Variants in PLGRKT observed in about 807,000 individuals in gnomAD.
The protein encoded by PLGRKT is plasminogen receptor (KT).
PLGRKT carries 22 observed loss-of-function variants against 18.5 expected under a neutral mutation model. The observed-to-expected ratio is 1.19, with a 90% CI of 0.85 to 1.70. The LOEUF (loss-of-function observed/expected upper bound fraction) is 1.70. PLGRKT is among the 40% of genes most tolerant of loss of function. The pLI is 0.00. For missense variants in PLGRKT, 235 were observed against 174.4 expected (o/e 1.35, Z -1.96); for synonymous variants, 72 against 52.8 (o/e 1.36, Z -1.58).
At chr9:5,405,802 A>C (rs973636182) in intron 3 of PLGRKT, among the ~76,000 whole-genome samples, 2 of 152,234 alleles carry the variant, frequency 1.3e-5, no homozygotes, top group African/African-American at 4.8e-5. Context: ...AAATGAAACT[A>C]TCATCAGAGG....
At chr9:5,392,646 T>C (rs1268191772) in intron 3 of PLGRKT, 2 of 151,856 alleles carry the variant, frequency 1.3e-5, no homozygotes, top group Non-Finnish European at 2.9e-5. Context: ...TTCAGTTATC[T>C]CATCTATTAA....
chr9:5,384,620 G>C (rs952783298), intron 3 of PLGRKT, among the ~76,000 whole-genome samples: 2 of 152,100 alleles, frequency 1.3e-5, no homozygotes, highest in South Asian at 2.1e-4. Flanking sequence ...CTGTGGAAGA[G>C]AAGTCAAACT....
chr9:5,398,580 A>G (rs1321617058), intron 3 of PLGRKT, among the ~76,000 whole-genome samples: 1 of 151,786 alleles, frequency 6.6e-6, no homozygotes, highest in African/African-American at 2.4e-5. Context: ...CTAAGTTTTC[A>G]ATTTGATAAA....
At chr9:5,420,600 C>T (rs988462275) in intron 3 of PLGRKT, among the ~76,000 whole-genome samples, 2 of 152,090 alleles carry the variant, frequency 1.3e-5, no homozygotes, top group Non-Finnish European at 2.9e-5. Flanking sequence ...TTGTGTTGGC[C>T]ATGCTGCCCC....
At chr9:5,433,797 T>C (rs1235867199) in intron 2 of PLGRKT, among the ~76,000 whole-genome samples, 39 of 101,756 alleles carry the variant, frequency 3.8e-4, no homozygotes, top group East Asian at 7.0e-4. Flanking sequence ...TCTGCCTGGC[T>C]GCCCCGTCTG....
rs569652307 is a variant in PLGRKT, at chr9:5,390,036, C to A, written c.82-28148G>T. ...CCAGGAAGGTGCCACTGGGGTCAGA[C>A]AGTCATTGAGGAAATCTAGTGGAGT... On this transcript the variant is annotated intron_variant, in intron 3 of 5. Coordinates refer to ENST00000223864, the MANE Select transcript of PLGRKT (RefSeq NM_018465.4). 1.1e-4 allele frequency among the ~76,000 whole-genome samples: 17 copies of A among 151,830 alleles called. 1 individual carries two copies. The highest frequency in any genetic ancestry group is 4.2e-4 in the South Asian group (2 of 4,816).
rs75392187 is a variant in PLGRKT at position 5,429,471 on chromosome 9, C to G, written c.81+2426G>C. On this transcript the variant is annotated intron_variant, in intron 3 of 5. Transcript: ENST00000223864. ...GTTCTGAAGGGGAGAAATCTAAAATCAAGGTGTCTGCAAGGTTTGTTCCTT... is the reference window on the plus strand; with the variant it reads ...GTTCTGAAGGGGAGAAATCTAAAATGAAGGTGTCTGCAAGGTTTGTTCCTT... 8.0e-3 allele frequency among the ~76,000 whole-genome samples: 1,215 copies of G among 152,324 alleles called. 19 individuals carry two copies. The highest frequency in any genetic ancestry group is 0.028 in the African/African-American group (1,182 of 41,558).
intron 3 of PLGRKT, among the ~76,000 whole-genome samples, chr9:5,364,353 T>G (rs894032282): frequency 6.6e-6 from 1 of 152,170 alleles, no homozygotes; most frequent in Admixed American, 6.5e-5. Flanking sequence ...AGAGATTACC[T>G]GGGAACTCTC....
chr9:5,396,320 C>T (rs1425122434), intron 3 of PLGRKT, among the ~76,000 whole-genome samples: 1 of 151,780 alleles, frequency 6.6e-6, no homozygotes, highest in Non-Finnish European at 1.5e-5. Context: ...GGGTGTCACT[C>T]TGTAGCCCAG....
chr9:5,384,070 G>A (rs1293865222), intron 3 of PLGRKT, among the ~76,000 whole-genome samples: 1 of 152,248 alleles, frequency 6.6e-6, no homozygotes, highest in Non-Finnish European at 1.5e-5. Context: ...CCAAAAGGCA[G>A]TGAGATAGAT....
In PLGRKT at chr9:5,418,507, C is replaced by T. The variant is rs778698787; in HGVS notation, c.81+13390G>A. 19 of 1,089,198 alleles carry T rather than the reference C, an allele frequency of 1.7e-5. No homozygotes were observed. Among genetic ancestry groups the T allele is most frequent in the African/African-American group, 3.1e-5 (2 of 65,542 alleles). 67.5% of individuals were successfully genotyped at this position (1,089,198 alleles called of 1,614,324 possible). On this transcript the variant is annotated intron_variant, in intron 3 of 5. Transcript: ENST00000223864. The surrounding 1 kb of genome is among the most constrained non-coding windows in gnomAD (Gnocchi z 4.2). ...CCACATGGAGCTTTTCACCATGCCC[C>T]GCCTGTCCTGCTCCTCCTCCGCCAC...
At chr9:5,403,378 C>T (rs2131131650) in intron 3 of PLGRKT, among the ~76,000 whole-genome samples, 1 of 152,186 alleles carries the variant, frequency 6.6e-6, no homozygotes, top group African/African-American at 2.4e-5. Context: ...CGCACGCCAC[C>T]ACTCCTGGCT....
intron 3 of PLGRKT, among the ~76,000 whole-genome samples, chr9:5,413,994 T>C (rs774215196): frequency 1.1e-4 from 16 of 151,986 alleles, no homozygotes; most frequent in South Asian, 6.2e-4. Context: ...CATAAGAAAA[T>C]ACTCATATAG....
chr9:5,418,344 C>A lies in PLGRKT; in HGVS notation c.81+13553G>T, dbSNP rs1184158182. On this transcript the variant is annotated intron_variant, in intron 3 of 5. Transcript: ENST00000223864. This position sits in a 1 kb window ranked among gnomAD's most constrained non-coding sequence, Gnocchi z 4.2. The stretch of plus-strand genomic sequence containing the variant: ...TGCTCAACCCCTAAGTTGGCACCCA[C>A]AAGAGACTTCCCTGCAGCCCTCTCC... The A allele has an allele frequency of 3.6e-5, 24 of 668,068 alleles. No individual in the cohort carries two copies. Among genetic ancestry groups the A allele is most frequent in the Admixed American group, 1.8e-4 (9 of 49,106 alleles). The allele number at this position is 668,068 out of a possible 1,614,324, so 41.4% of individuals were successfully genotyped here.
intron 3 of PLGRKT, among the ~76,000 whole-genome samples, chr9:5,381,569 G>T (rs910937795): frequency 2.0e-5 from 3 of 152,246 alleles, no homozygotes; most frequent in Non-Finnish European, 2.9e-5. Flanking sequence ...ATTTACAAAC[G>T]TGCAGATGTG....
chr9:5,387,191 T>C (rs1333952110), intron 3 of PLGRKT, among the ~76,000 whole-genome samples: 2 of 151,912 alleles, frequency 1.3e-5, no homozygotes, highest in Non-Finnish European at 2.9e-5. Context: ...TACAGGAGTA[T>C]AGGGTCTCGT....
intron 3 of PLGRKT, among the ~76,000 whole-genome samples, chr9:5,399,968 C>T (rs980992454): frequency 4.6e-5 from 7 of 151,146 alleles, no homozygotes; most frequent in Non-Finnish European, 8.8e-5. Flanking sequence ...CCAGTCTGGG[C>T]GACAGAGTGA....
In PLGRKT at chr9:5,422,467, T is replaced by C. The variant is rs144962614; in HGVS notation, c.81+9430A>G. Among the ~76,000 whole-genome samples the C allele has an allele frequency of 1.7e-3, 252 of 152,284 alleles. 2 individuals carry two copies. The highest frequency in any genetic ancestry group is 5.5e-3 in the African/African-American group (230 of 41,558). On this transcript the variant is annotated intron_variant, in intron 3 of 5. Coordinates refer to ENST00000223864, the MANE Select transcript of PLGRKT (RefSeq NM_018465.4). Reference sequence around the variant, plus strand: ...CAAATACAAACTGTAGCACATTCCATAGAACAGATGAGCTGGTTTCTTCAA... The same window carrying C: ...CAAATACAAACTGTAGCACATTCCACAGAACAGATGAGCTGGTTTCTTCAA...
intron 3 of PLGRKT, among the ~76,000 whole-genome samples, chr9:5,409,542 T>C (rs1266414712): frequency 6.6e-6 from 1 of 152,176 alleles, no homozygotes; most frequent in South Asian, 2.1e-4. Context: ...CCCCTTTATA[T>C]ATATACCCAG....
Sources: gnomAD v4.1 joint callset for allele counts (sites outside exome capture counted in the v4.1 genomes callset) on GRCh38, gnomAD v4.1.1 for gene constraint, Gnocchi (gnomAD v3.1) non-coding constraint, MANE v1.5 for transcripts, NCBI Gene and HGNC (gene_info 2026-07-23, HGNC 2026-07-21) for gene names.